ALDH8A1: variants seen among roughly 807,000 people sequenced by gnomAD.
ALDH8A1 encodes 2-aminomuconic semialdehyde dehydrogenase.
Under a neutral mutation model 43.3 loss-of-function variants are expected in ALDH8A1, and 39 were observed. The observed-to-expected ratio is 0.90, with a 90% confidence interval of 0.70 to 1.18. The LOEUF (loss-of-function observed/expected upper bound fraction) is 1.18, where lower values mean the gene tolerates loss of function less well. ALDH8A1 is among the 50% of genes most tolerant of loss of function. The pLI is 0.00. For synonymous variants in ALDH8A1, 233 were observed against 243.5 expected (o/e 0.96, Z 0.40); for missense variants, 605 against 622.6 (o/e 0.97, Z 0.30).
chr6:134,942,574 GCAAAC>G lies in ALDH8A1; in HGVS notation c.287-15_287-11del. On this transcript the variant is annotated splice_polypyrimidine_tract_variant and intron_variant, in intron 2 of 6. Transcript: ENST00000265605. ...AGTGCTAAGGTTTTCCCTGTAAGAAGCAAACAACATAAAGCACTATCAGCTAATGG... is the reference window on the plus strand; with the variant it reads ...AGTGCTAAGGTTTTCCCTGTAAGAAGAACATAAAGCACTATCAGCTAATGG... The G allele has an allele frequency of 6.2e-7, 1 of 1,611,478 alleles. No homozygotes were observed. The highest frequency in any genetic ancestry group is 8.5e-7 in the Non-Finnish European group (1 of 1,178,246).
In ALDH8A1 at chr6:134,932,955, C is replaced by A; in HGVS notation, c.670G>T (p.Val224Leu). The stretch of plus-strand genomic sequence containing the variant: ...CTCCCGGTGAAGGAGATCAGGGGCA[C>A]CTCTGGGTGGGACACCAGGGCCTCA... The part of the protein sequence containing the change: ...VGEALVSHPE[V>L]PLISFTGSQP... The change falls in exon 5 of 7, where the codon GTG becomes TTG. Residue 224 changes from valine (V) to leucine (L), a missense_variant. Coordinates refer to ENST00000265605, the MANE Select transcript of ALDH8A1 (RefSeq NM_022568.4). 6.2e-7 allele frequency: 1 copy of A among 1,613,748 alleles called. No individual in the cohort carries two copies. Among genetic ancestry groups the A allele is most frequent in the Non-Finnish European group, 8.5e-7 (1 of 1,179,868 alleles).
At chr6:134,921,332 T>C (rs1171992627) in intron 6 of ALDH8A1, among the ~76,000 whole-genome samples, 1 of 152,200 alleles carries the variant, frequency 6.6e-6, no homozygotes, top group Non-Finnish European at 1.5e-5. Flanking sequence ...TCTCTCCATA[T>C]AGTTGCCTGC....
At chr6:134,945,416 C>G (rs4299844) in intron 1 of ALDH8A1, among the ~76,000 whole-genome samples, 151,909 of 152,262 alleles carry the variant, frequency 1, 75,778 homozygotes, top group Middle Eastern at 1. Flanking sequence ...TTGGGTACCT[C>G]CTTTTAGAGT....
At chr6:134,921,815 A>G (rs1432401895) in intron 6 of ALDH8A1, among the ~76,000 whole-genome samples, 1 of 152,216 alleles carries the variant, frequency 6.6e-6, no homozygotes, top group East Asian at 1.9e-4. Context: ...TAACATTAGG[A>G]AAGATGACTG....
intron 6 of ALDH8A1, among the ~76,000 whole-genome samples, chr6:134,925,994 A>T (rs1776876042): frequency 6.6e-6 from 1 of 152,070 alleles, no homozygotes; most frequent in African/African-American, 2.4e-5. Flanking sequence ...TGGAATGAGG[A>T]AAGGGAAGGT....
At chr6:134,932,209 T>C (rs1776996487) in intron 5 of ALDH8A1, among the ~76,000 whole-genome samples, 1 of 152,294 alleles carries the variant, frequency 6.6e-6, no homozygotes, top group South Asian at 2.1e-4. Context: ...TGGAATGCCA[T>C]AGCCTTAAAG....
At position 134,918,869 on chromosome 6, in the gene ALDH8A1, T is replaced by C. The variant is rs778084962; in HGVS notation, c.1012-2A>G. 1 of 1,611,396 alleles carries C rather than the reference T, an allele frequency of 6.2e-7. No homozygotes were observed. The highest frequency in any genetic ancestry group is 1.7e-5 in the Admixed American group (1 of 59,878). On this transcript the variant is annotated splice_acceptor_variant, in intron 6 of 6. Coordinates refer to ENST00000265605, the MANE Select transcript of ALDH8A1 (RefSeq NM_022568.4). LOFTEE classifies it high-confidence loss of function. ...AGCTCTCTTGACGTAACTTCTGACC[T>C]GCGTGGGTAAAAATCATAATTAGCA... is the stretch of plus-strand genomic sequence containing the variant.
chr6:134,944,459 T>TA (rs1773917971), intron 1 of ALDH8A1, among the ~76,000 whole-genome samples: 2 of 152,092 alleles, frequency 1.3e-5, no homozygotes, highest in Non-Finnish European at 1.5e-5. Context: ...AAAGGAGGGG[T>TA]ACCATAGAAA....
Position 134,944,023 on chromosome 6 carries a change from G to A in ALDH8A1, c.139-57C>T, listed in dbSNP as rs113898243. On this transcript the variant is annotated intron_variant, in intron 1 of 6. Coordinates refer to ENST00000265605, the MANE Select transcript of ALDH8A1 (RefSeq NM_022568.4). ...TTAAAGCTGTTAGTCCTTGGGGGATGGACAAAACCAGAATCCTCAGGTCTC... is the reference window on the plus strand; with the variant it reads ...TTAAAGCTGTTAGTCCTTGGGGGATAGACAAAACCAGAATCCTCAGGTCTC... The A allele has an allele frequency of 2.0e-5, 31 of 1,549,502 alleles. No individual in the cohort carries two copies. The Admixed American group carries it at 3.0e-4, about 15-fold the overall frequency.
At chr6:134,945,996 G>GC (rs1200311673) in intron 1 of ALDH8A1, among the ~76,000 whole-genome samples, 2 of 152,214 alleles carry the variant, frequency 1.3e-5, no homozygotes, top group East Asian at 3.9e-4. Context: ...ACGCTGTCTC[G>GC]CCTGCCGCCA....
chr6:134,933,406 G>C (rs983274116), intron 4 of ALDH8A1, among the ~76,000 whole-genome samples: 3 of 152,176 alleles, frequency 2.0e-5, no homozygotes, highest in Non-Finnish European at 2.9e-5. Context: ...GCTCCATCTT[G>C]GTGTCCAGGA....
At chr6:134,937,610 T>C (rs1562257230) in intron 4 of ALDH8A1, among the ~76,000 whole-genome samples, 1 of 152,186 alleles carries the variant, frequency 6.6e-6, no homozygotes, top group Non-Finnish European at 1.5e-5. Context: ...CAGACGTTCT[T>C]GGTCTCAGGA....
In ALDH8A1 at chr6:134,933,038, T is replaced by C; in HGVS notation, c.593-6A>G. On this transcript the variant is annotated splice_polypyrimidine_tract_variant and splice_region_variant and intron_variant, in intron 4 of 6. Coordinates refer to ENST00000265605, the MANE Select transcript of ALDH8A1 (RefSeq NM_022568.4). ...GACCACACCTGGTGGAACACCTGGA[T>C]AGGAAACAGTATCAGTTATAGTAAT... The C allele has an allele frequency of 6.5e-7, 1 of 1,547,386 alleles. No homozygotes were observed. Among genetic ancestry groups the C allele is most frequent in the Non-Finnish European group, 8.7e-7 (1 of 1,151,200 alleles).
chr6:134,938,750 C>T (rs1773795656), intron 4 of ALDH8A1, among the ~76,000 whole-genome samples: 1 of 152,060 alleles, frequency 6.6e-6, no homozygotes, highest in African/African-American at 2.4e-5. Flanking sequence ...TGGGTTCATG[C>T]CATTCTCCTG....
intron 6 of ALDH8A1, among the ~76,000 whole-genome samples, chr6:134,921,645 T>C (rs1776801305): frequency 6.6e-6 from 1 of 152,216 alleles, no homozygotes; most frequent in Non-Finnish European, 1.5e-5. Context: ...TCGCCACCTA[T>C]TGTGGCAATC....
Position 134,947,031 on chromosome 6 carries a change from C to G in ALDH8A1, c.138+2885G>C, listed in dbSNP as rs577403815. Among the ~76,000 whole-genome samples, 5 of 152,282 alleles carry G rather than the reference C, an allele frequency of 3.3e-5. No individual in the cohort carries two copies. In the East Asian group the frequency reaches 9.6e-4, roughly 29 times the overall value. Reference sequence around the variant, plus strand: ...AGCATGGCACTGGTGTAAAAACAGACACATAGACCAGTGAAACAGAATAGA... The same window carrying G: ...AGCATGGCACTGGTGTAAAAACAGAGACATAGACCAGTGAAACAGAATAGA... On this transcript the variant is annotated intron_variant, in intron 1 of 6. Transcript: ENST00000265605.
intron 6 of ALDH8A1, among the ~76,000 whole-genome samples, chr6:134,922,834 C>T (rs531465598): frequency 4.6e-5 from 7 of 151,996 alleles, no homozygotes; most frequent in Non-Finnish European, 8.8e-5. Context: ...CTATAAGGAT[C>T]AAGCAGAAAA....
intron 6 of ALDH8A1, 69 bp downstream of exon 6, chr6:134,928,985 T>G: frequency 6.5e-7 from 1 of 1,527,824 alleles, no homozygotes; most frequent in Middle Eastern, 2.0e-4. Flanking sequence ...CTGATTGTGC[T>G]ATGCCTGTAC....
At chr6:134,947,496 C>G (rs1363132702) in intron 1 of ALDH8A1, among the ~76,000 whole-genome samples, 1 of 151,968 alleles carries the variant, frequency 6.6e-6, no homozygotes, top group Non-Finnish European at 1.5e-5. Context: ...GGATTAATAA[C>G]CAGAATATAT....
Sources: allele counts gnomAD v4.1 joint callset (sites outside exome capture counted in the v4.1 genomes callset), GRCh38; gene constraint gnomAD v4.1.1; transcripts MANE v1.5; gene names NCBI Gene and HGNC (gene_info 2026-07-23, HGNC 2026-07-21).